The following KIF1A variants were observed in gnomAD, a reference collection of about 807,000 sequenced individuals.
The protein encoded by KIF1A is kinesin family member 1A.
Under a neutral mutation model 227.3 loss-of-function variants are expected in KIF1A, and 46 were observed. That is an observed-to-expected ratio of 0.20 (90% CI 0.16 to 0.26). The LOEUF (loss-of-function observed/expected upper bound fraction) is 0.26, where lower values mean the gene tolerates loss of function less well. KIF1A is among the 10% of genes least tolerant of loss of function. The pLI is 1.00. For missense variants in KIF1A, 1,683 were observed against 2,485.9 expected, an observed-to-expected ratio of 0.68 and a Z score of 6.87; for synonymous variants, 1,022 against 1,012.8, an observed-to-expected ratio of 1.01 and a Z score of -0.17.
chr2:240,781,248 T>C (rs1281630356), intron 10 of KIF1A, among the ~76,000 whole-genome samples: 4 of 1,584 alleles, frequency 2.5e-3, no homozygotes, highest in Admixed American at 6.0e-3. Context: ...CACACACAGC[T>C]CCACACACAC....
At chr2:240,738,819 A>G (rs1327265470) in intron 37 of KIF1A, among the ~76,000 whole-genome samples, 2 of 152,196 alleles carry the variant, frequency 1.3e-5, no homozygotes, top group South Asian at 2.1e-4. Context: ...CCTTTCAACC[A>G]TGCAGATCCA....
rs974297206 is a variant in KIF1A at position 240,717,308 on chromosome 2, C to T, written c.*56G>A. 2.7e-5 allele frequency: 42 copies of T among 1,532,234 alleles called. No homozygotes were observed. Among genetic ancestry groups the T allele is most frequent in the African/African-American group, 1.1e-4 (8 of 73,346 alleles). 94.9% of individuals were successfully genotyped at this position (1,532,234 alleles called of 1,614,324 possible). On this transcript the variant is annotated 3_prime_UTR_variant, in exon 49 of 49. Coordinates refer to ENST00000498729, the MANE Select transcript of KIF1A (RefSeq NM_001244008.2). ...GCTGGGCGGCAGGTGACAGGACAGACGAGGATGAGGGAGGGGATGGGCTGG... is the reference window on the plus strand; with the variant it reads ...GCTGGGCGGCAGGTGACAGGACAGATGAGGATGAGGGAGGGGATGGGCTGG...
Position 240,745,438 on chromosome 2 carries a change from G to C in KIF1A, c.3454C>G (p.His1152Asp), listed in dbSNP as rs1205234136. Reference sequence around the variant, plus strand: ...GCCCAGGAACGTACGTTCTGGACGTGGTAGAAGCCAAGTGGGGGGCCTCTG... The same window carrying C: ...GCCCAGGAACGTACGTTCTGGACGTCGTAGAAGCCAAGTGGGGGGCCTCTG... ...TGRGPPLGFY[H>D]VQNIAVEVTK... The change falls in exon 32 of 49, where the codon CAC becomes GAC. Residue 1152 changes from histidine (H) to aspartate (D), a missense_variant. By Grantham distance (81) the His-to-Asp change is moderately conservative. This residue lies in a region of KIF1A where 759 missense variants were observed against 1,020.2 expected (regional missense o/e 0.74). Transcript: ENST00000498729. 1 of 1,613,088 alleles carries C rather than the reference G, an allele frequency of 6.2e-7. No homozygotes were observed. The highest frequency in any genetic ancestry group is 8.5e-7 in the Non-Finnish European group (1 of 1,179,202).
chr2:240,718,187 G>C lies in KIF1A; in HGVS notation c.5215-19C>G. On this transcript the variant is annotated intron_variant, in intron 47 of 48. Coordinates refer to ENST00000498729, the MANE Select transcript of KIF1A (RefSeq NM_001244008.2). ...TGGGTGTCTGCAGAGGGAGGCAGCT[G>C]GTGAGGAGGTGCCAGGCTCCGTGGT... is the stretch of plus-strand genomic sequence containing the variant. The C allele has an allele frequency of 1.3e-6, 2 of 1,525,146 alleles. No individual in the cohort carries two copies. Among genetic ancestry groups the C allele is most frequent in the Non-Finnish European group, 1.8e-6 (2 of 1,113,874 alleles). The allele number at this position is 1,525,146 out of a possible 1,614,324, so 94.5% of individuals were successfully genotyped here.
intron 35 of KIF1A, 63 bp downstream of exon 35, chr2:240,741,206 G>T: frequency 8.7e-7 from 1 of 1,150,210 alleles, no homozygotes; most frequent in Non-Finnish European, 1.3e-6. Context: ...TCAAGTCCTC[G>T]TCCCTCTCCG....
chr2:240,801,487 G>T (rs1158940810), intron 1 of KIF1A, among the ~76,000 whole-genome samples: 3 of 152,202 alleles, frequency 2.0e-5, no homozygotes, highest in Non-Finnish European at 4.4e-5. Context: ...AGCCAGAAAA[G>T]TATAGGACAC....
At chr2:240,805,868 A>C (rs1673954925) in intron 1 of KIF1A, among the ~76,000 whole-genome samples, 1 of 152,252 alleles carries the variant, frequency 6.6e-6, no homozygotes, top group Non-Finnish European at 1.5e-5. Flanking sequence ...CTTCTAAATA[A>C]CAAACCAAAG....
intron 10 of KIF1A, among the ~76,000 whole-genome samples, chr2:240,779,472 T>TCATCGTTCCA (rs1241689572): frequency 7.5e-6 from 1 of 133,048 alleles, no homozygotes; most frequent in African/African-American, 3.2e-5. Flanking sequence ...ACTCAGTTCC[T>TCATCGTTCCA]CACTCAGTTC....
intron 10 of KIF1A, 95 bp downstream of exon 10, chr2:240,782,494 AC>A: frequency 7.5e-7 from 1 of 1,341,934 alleles, no homozygotes. Flanking sequence ...CAGCGCACTC[AC>A]TGCCCGCCCC....
Position 240,777,130 on chromosome 2 carries a change from G to A in KIF1A, c.883-1204C>T, listed in dbSNP as rs559350713. ...ACGATCGCGGCTCACTGCAACCTCC[G>A]CCTCCCGGGTTCAAGCGATTCTCAT... On this transcript the variant is annotated intron_variant, in intron 10 of 48. Coordinates refer to ENST00000498729, the MANE Select transcript of KIF1A (RefSeq NM_001244008.2). Among the ~76,000 whole-genome samples, 7 of 152,246 alleles carry A rather than the reference G, an allele frequency of 4.6e-5. No individual in the cohort carries two copies. The East Asian group carries it at 9.7e-4, about 21-fold the overall frequency.
chr2:240,749,306 G>A (rs1287434765), intron 28 of KIF1A, among the ~76,000 whole-genome samples: 3 of 152,156 alleles, frequency 2.0e-5, no homozygotes, highest in Admixed American at 6.5e-5. Flanking sequence ...GAGAATATGA[G>A]CCATCTCGGA....
intron 1 of KIF1A, among the ~76,000 whole-genome samples, chr2:240,800,263 T>C (rs2056850559): frequency 6.6e-6 from 1 of 152,178 alleles, no homozygotes; most frequent in African/African-American, 2.4e-5. Flanking sequence ...GTAAAAGTGG[T>C]ACAAGGACAC....
intron 7 of KIF1A, 141 bp downstream of exon 7, chr2:240,784,847 TG>T: frequency 1.5e-6 from 1 of 671,636 alleles, no homozygotes. Flanking sequence ...CTGGTGCCAG[TG>T]TAAGTGTGAG....
At chr2:240,816,708 G>A (rs1041424444) in intron 1 of KIF1A, among the ~76,000 whole-genome samples, 2 of 152,178 alleles carry the variant, frequency 1.3e-5, no homozygotes, top group South Asian at 2.1e-4. Flanking sequence ...TACTCATTCC[G>A]GCAACCCCAG....
intron 29 of KIF1A, among the ~76,000 whole-genome samples, chr2:240,746,401 T>C (rs1241339277): frequency 6.6e-6 from 1 of 152,208 alleles, no homozygotes; most frequent in Non-Finnish European, 1.5e-5. Context: ...CTACAGCCTA[T>C]GGCCATGGGA....
At chr2:240,816,149 AGTGT>A (rs71282124) in intron 1 of KIF1A, among the ~76,000 whole-genome samples, 1 of 150,414 alleles carries the variant, frequency 6.6e-6, no homozygotes, top group Non-Finnish European at 1.5e-5. Context: ...AGGGATGCAG[AGTGT>A]GTGTGTGTGT....
At position 240,766,722 on chromosome 2, in the gene KIF1A, ATCTCTCTCTCTCTC is replaced by A. The variant is rs67736580; in HGVS notation, c.1684+179_1684+192del. Among the ~76,000 whole-genome samples, 3 of 122,638 alleles carry A rather than the reference ATCTCTCTCTCTCTC, an allele frequency of 2.4e-5. No individual in the cohort carries two copies. The South Asian group carries it at 7.9e-4, about 32-fold the overall frequency. 80.5% of individuals were successfully genotyped at this position (122,638 alleles called of 152,430 possible). A position where few individuals can be genotyped will look rare whatever the true frequency, so the allele number is the denominator to read the frequency against. On this transcript the variant is annotated intron_variant, in intron 19 of 48. Transcript: ENST00000498729. The surrounding 1 kb of genome is among the most constrained non-coding windows in gnomAD (Gnocchi z 5.0). Reference sequence around the variant, plus strand: ...CCCAAATATCTCTCTCTCTCTCCAAATCTCTCTCTCTCTCTCTCTCTCTCTCTCACACACACACA... The same window carrying A: ...CCCAAATATCTCTCTCTCTCTCCAAATCTCTCTCTCTCTCACACACACACA...
chr2:240,761,128 C>T lies in KIF1A; in HGVS notation c.2265+101G>A, dbSNP rs546551356. ...AGGGCTGCTATGCCACCCCCGGGGC[C>T]GGCAGAGAGCCAAGTGCTGAGTCCC... On this transcript the variant is annotated intron_variant, in intron 24 of 48. Coordinates refer to ENST00000498729, the MANE Select transcript of KIF1A (RefSeq NM_001244008.2). The T allele has an allele frequency of 3.4e-5, 46 of 1,368,110 alleles. No homozygotes were observed. In the South Asian group the frequency reaches 4.0e-4, roughly 12 times the overall value. 84.7% of individuals were successfully genotyped at this position (1,368,110 alleles called of 1,614,324 possible). A position where few individuals can be genotyped will look rare whatever the true frequency, so the allele number is the denominator to read the frequency against.
At chr2:240,733,787 T>G (rs1188861318) in intron 38 of KIF1A, among the ~76,000 whole-genome samples, 1 of 152,220 alleles carries the variant, frequency 6.6e-6, no homozygotes, top group Non-Finnish European at 1.5e-5. Context: ...TGAAAGGCCT[T>G]CTGCTGCTCA....
Sources: allele counts gnomAD v4.1 joint callset (sites outside exome capture counted in the v4.1 genomes callset), GRCh38; gene constraint gnomAD v4.1.1; regional missense constraint gnomAD v4.1.1; non-coding constraint Gnocchi (gnomAD v3.1); transcripts MANE v1.5; gene names NCBI Gene and HGNC (gene_info 2026-07-23, HGNC 2026-07-21).